Variants in TTN observed in about 807,000 individuals in gnomAD.
The protein encoded by TTN is titin.
TTN carries 1,525 observed loss-of-function variants against 3,223.0 expected under a neutral mutation model. The ratio of observed to expected loss-of-function variants is 0.47; its 90% CI spans 0.45 to 0.49. The LOEUF (loss-of-function observed/expected upper bound fraction) is 0.49. Ranked by LOEUF, TTN falls within the 20% of genes least tolerant of loss-of-function variation. The pLI is 0.00. For missense variants in TTN, 40,786 were observed against 43,424.0 expected (o/e 0.94, Z 5.40); for synonymous variants, 14,094 against 15,161.0 (o/e 0.93, Z 5.17).
chr2:178,545,320 G>T (rs1388004976), intron 344 of TTN, 68 bp downstream of exon 344: 2 of 1,407,682 alleles, frequency 1.4e-6, no homozygotes, highest in Non-Finnish European at 1.9e-6. Context: ...TAGAGATTGT[G>T]TGTTGGAAAA....
chr2:178,730,873 G>C (rs2080352021), intron 60 of TTN, 52 bp downstream of exon 60: 11 of 1,535,112 alleles, frequency 7.2e-6, no homozygotes, highest in Non-Finnish European at 8.7e-6. Context: ...AATTTTAAGG[G>C]AAGAAGGAGC....
chr2:178,624,334 A>C (rs2058718330), intron 242 of TTN, 131 bp downstream of exon 242: 1 of 1,077,346 alleles, frequency 9.3e-7, no homozygotes. Context: ...AGGTTAGGTC[A>C]GTGTCAATAC....
At position 178,701,073 on chromosome 2, in the gene TTN, CAG is replaced by C. The variant is rs781459502; in HGVS notation, c.30682+45_30682+46del. Reference sequence around the variant, plus strand: ...TATTAAGCAACATTTTTCGGGTCAGCAGAGTGAAATTCTTATTTCGACATCTA... The same window carrying C: ...TATTAAGCAACATTTTTCGGGTCAGCAGTGAAATTCTTATTTCGACATCTA... On this transcript the variant is annotated intron_variant, in intron 111 of 362. Coordinates refer to ENST00000589042, the MANE Select transcript of TTN (RefSeq NM_001267550.2). 19 of 1,586,576 alleles carry C rather than the reference CAG, an allele frequency of 1.2e-5. 1 individual carries two copies. The South Asian group carries it at 1.9e-4, about 16-fold the overall frequency.
chr2:178,651,228 A>G lies in TTN; in HGVS notation c.39625+15T>C. The G allele has an allele frequency of 6.8e-6, 11 of 1,607,558 alleles. No homozygotes were observed. The highest frequency in any genetic ancestry group is 9.4e-6 in the Non-Finnish European group (11 of 1,175,480). On this transcript the variant is annotated intron_variant, in intron 208 of 362. Coordinates refer to ENST00000589042, the MANE Select transcript of TTN (RefSeq NM_001267550.2). The stretch of plus-strand genomic sequence containing the variant: ...GGTGAGTGCTTTTCTGCAGAATCTC[A>G]TTAGTGACATGTACCTTTTGCTGGT...
Position 178,731,880 on chromosome 2 carries a change from G to T in TTN, c.16995C>A (p.Pro5665=). 1 of 1,613,772 alleles carries T rather than the reference G, an allele frequency of 6.2e-7. No homozygotes were observed. Among genetic ancestry groups the T allele is most frequent in the South Asian group, 1.1e-5 (1 of 91,072 alleles). Residue 5665 remains proline (P), a synonymous_variant, in exon 58 of 363, where the codon CCC becomes CCA. Coordinates refer to ENST00000589042, the MANE Select transcript of TTN (RefSeq NM_001267550.2). Reference sequence around the variant, plus strand: ...TATCTTTGAACCAAGTGATCTCAAAGGGAGGAGTGCCTGCCACCTCAGCCA... The same window carrying T: ...TATCTTTGAACCAAGTGATCTCAAATGGAGGAGTGCCTGCCACCTCAGCCA... ...MLLAEVAGTP[P]FEITWFKDNT... is the part of the protein sequence containing the mutation.
In TTN at chr2:178,632,272, G is replaced by A. The variant is rs768180052; in HGVS notation, c.43622C>T (p.Ser14541Leu). ...KNDQRLHTTR[S>L]VSMQDEGKTH... ...TTTCCCTTCGTCTTGCATTGAGACC[G>A]ACCTGGTGGTGTGTAGGCGCTGGTC... Residue 14541 changes from serine to leucine, a missense_variant, in exon 236 of 363, where the codon TCG becomes TTG. By Grantham distance (145) the Ser-to-Leu change is moderately radical. Coordinates refer to ENST00000589042, the MANE Select transcript of TTN (RefSeq NM_001267550.2). The A allele has an allele frequency of 5.0e-6, 8 of 1,609,680 alleles. No homozygotes were observed. Among genetic ancestry groups the A allele is most frequent in the Admixed American group, 3.4e-5 (2 of 59,490 alleles).
In TTN at chr2:178,679,770, TAA is replaced by T. The variant is rs2068914943; in HGVS notation, c.33581-90_33581-89del. 7 of 1,536,900 alleles carry T rather than the reference TAA, an allele frequency of 4.6e-6. No homozygotes were observed. In the East Asian group the frequency reaches 1.4e-4, roughly 30 times the overall value. ...CCTGTAGAAATCATATTTCAGCATC[TAA>T]AAATATCTGCTTTAAAGTAAGCAAT... On this transcript the variant is annotated intron_variant, in intron 140 of 362. Coordinates refer to ENST00000589042, the MANE Select transcript of TTN (RefSeq NM_001267550.2).
rs921886474 is a variant in TTN at position 178,593,218 on chromosome 2, C to T, written c.58990G>A (p.Asp19664Asn). 1 of 1,613,396 alleles carries T rather than the reference C, an allele frequency of 6.2e-7. No homozygotes were observed. ...VSAENEIGIG[D>N]PSPPSKPVFA... ...ACTGGTTTGGATGGTGGGCTTGGAT[C>T]TCCAATACCAATTTCATTTTCTGCA... is the stretch of plus-strand genomic sequence containing the variant. Residue 19664 changes from aspartate (D) to asparagine (N), a missense_variant, in exon 299 of 363, where the codon GAT (aspartate) becomes AAT (asparagine). Transcript: ENST00000589042.
In TTN at chr2:178,608,293, A is replaced by G. The variant is rs777245474; in HGVS notation, c.52590T>C (p.Asn17530=). Residue 17530 remains asparagine, a synonymous_variant, in exon 275 of 363, where the codon AAT becomes AAC. Coordinates refer to ENST00000589042, the MANE Select transcript of TTN (RefSeq NM_001267550.2). The part of the protein sequence containing the change: ...NKSLLNALKA[N]VDGLLEGLTY... Reference sequence around the variant, plus strand: ...TGAGTCCTTCTAATAAGCCATCTACATTGGCTTTCAAGGCATTCAGAAGGC... The same window carrying G: ...TGAGTCCTTCTAATAAGCCATCTACGTTGGCTTTCAAGGCATTCAGAAGGC... 3 of 1,612,206 alleles carry G rather than the reference A, an allele frequency of 1.9e-6. No individual in the cohort carries two copies. Among genetic ancestry groups the G allele is most frequent in the African/African-American group, 2.7e-5 (2 of 74,940 alleles).
chr2:178,740,369 C>T lies in TTN; in HGVS notation c.12864G>A (p.Glu4288=). 1 of 1,613,518 alleles carries T rather than the reference C, an allele frequency of 6.2e-7. No homozygotes were observed. Among genetic ancestry groups the T allele is most frequent in the Non-Finnish European group, 8.5e-7 (1 of 1,179,706 alleles). The change falls in exon 48 of 363, where the codon GAG becomes GAA. Residue 4288 remains glutamate, a synonymous_variant. Transcript: ENST00000589042. ...ATGAGTGTTCTGAAGGGACTAGGGG[C>T]TCATAGTTTACCTGAGAGATCATGA... ...PDVMISQVNY[E]PLVPSEHSCT...
chr2:178,797,765 A>G (rs984680773), intron 6 of TTN, among the ~76,000 whole-genome samples: 19 of 152,124 alleles, frequency 1.2e-4, no homozygotes, highest in Non-Finnish European at 2.1e-4. Context: ...TTTGGTTTAG[A>G]AATGACTTTT....
intron 46 of TTN, chr2:178,753,598 G>T: frequency 6.2e-6 from 1 of 161,330 alleles, no homozygotes; most frequent in Non-Finnish European, 1.3e-5. Context: ...AGTTTTTCCT[G>T]CTAGTAAACA....
At chr2:178,799,283 C>T in intron 6 of TTN, 1 of 734,330 alleles carries the variant, frequency 1.4e-6, no homozygotes. Context: ...TAGGCAGACA[C>T]ACAAGCGGCT....
At chr2:178,599,985 T>G (rs868142079) in intron 288 of TTN, 135 bp from the exon 289 acceptor site, 1 of 822,772 alleles carries the variant, frequency 1.2e-6, no homozygotes, top group Middle Eastern at 3.7e-4. Context: ...AAAGAATGGT[T>G]CTGTCTTTAA....
At chr2:178,624,758 G>A (rs1457978574) in intron 241 of TTN, 27 bp from the exon 242 acceptor site, 2 of 1,606,348 alleles carry the variant, frequency 1.2e-6, no homozygotes, top group East Asian at 4.5e-5. Context: ...CATTAGCCAA[G>A]GTACTCCTTT....
Position 178,633,934 on chromosome 2 carries a change from T to A in TTN, c.42565A>T (p.Ile14189Phe). The A allele has an allele frequency of 6.2e-7, 1 of 1,613,412 alleles. No homozygotes were observed. The highest frequency in any genetic ancestry group is 8.5e-7 in the Non-Finnish European group (1 of 1,179,550). The change falls in exon 231 of 363, where the codon ATC becomes TTC. Residue 14189 changes from isoleucine (I) to phenylalanine (F), a missense_variant. By Grantham distance (21) the Ile-to-Phe change is conservative. Coordinates refer to ENST00000589042, the MANE Select transcript of TTN (RefSeq NM_001267550.2). Reference protein sequence around the residue: ...AKLHTSRTVLISSEGKTHKLE... With the variant: ...AKLHTSRTVLFSSEGKTHKLE... Reference sequence around the variant, plus strand: ...TTGTGAGTCTTGCCCTCAGAAGAGATGAGTACTGTTCTGCTTGTATGGAGT... The same window carrying A: ...TTGTGAGTCTTGCCCTCAGAAGAGAAGAGTACTGTTCTGCTTGTATGGAGT...
chr2:178,565,762 A>T lies in TTN; in HGVS notation c.80370T>A (p.Thr26790=). The T allele has an allele frequency of 6.2e-7, 1 of 1,613,586 alleles. No individual in the cohort carries two copies. Among genetic ancestry groups the T allele is most frequent in the Middle Eastern group, 1.7e-4 (1 of 6,056 alleles). The change falls in exon 326 of 363, where the codon ACT becomes ACA. Residue 26790 remains threonine, a synonymous_variant. Coordinates refer to ENST00000589042, the MANE Select transcript of TTN (RefSeq NM_001267550.2). ...PPSPPGKVTL[T]DVSQTSASLM... ...GTGATGCACTGGTCTGGGACACATC[A>T]GTGAGTGTAACCTTTCCTGGTGGGG...
At chr2:178,643,778 G>C (rs1258435709) in intron 218 of TTN, among the ~76,000 whole-genome samples, 1 of 151,700 alleles carries the variant, frequency 6.6e-6, no homozygotes, top group Non-Finnish European at 1.5e-5. Flanking sequence ...TATTTATATG[G>C]GTGACTTTTT....
In TTN at chr2:178,571,000, C is replaced by A; in HGVS notation, c.75132G>T (p.Glu25044Asp). Residue 25044 changes from glutamate to aspartate, a missense_variant, in exon 326 of 363, where the codon GAG (glutamate) becomes GAT (aspartate). Transcript: ENST00000589042. ...AACGGCCCTCAGGTAATTCTTTCTTCTCAACAATATAACCAGTGATCTTGC... is the reference window on the plus strand; with the variant it reads ...AACGGCCCTCAGGTAATTCTTTCTTATCAACAATATAACCAGTGATCTTGC... ...GGSKITGYIV[E>D]KKELPEGRWM... The A allele has an allele frequency of 1.2e-6, 2 of 1,613,278 alleles. No individual in the cohort carries two copies. The highest frequency in any genetic ancestry group is 2.7e-5 in the African/African-American group (2 of 74,968).
Sources: allele counts gnomAD v4.1 joint callset (sites outside exome capture counted in the v4.1 genomes callset), GRCh38; gene constraint gnomAD v4.1.1; transcripts MANE v1.5; gene names NCBI Gene and HGNC (gene_info 2026-07-23, HGNC 2026-07-21).